MRPL1: variants seen among roughly 807,000 people sequenced by gnomAD.
MRPL1 encodes mitochondrial ribosomal protein L1.
In MRPL1, 28 loss-of-function variants were observed where a neutral mutation model predicts 38.0. That is an observed-to-expected ratio of 0.74 (90% CI 0.55 to 1.01). The LOEUF is 1.01. MRPL1 is among the 50% of genes least tolerant of loss of function. MRPL1 has a pLI of 0.00. For missense variants in MRPL1, 358 were observed against 389.8 expected (o/e 0.92, Z 0.69); for synonymous variants, 123 against 126.7 (o/e 0.97, Z 0.20).
chr4:77,943,941 TA>T (rs1373382445), intron 7 of MRPL1, among the ~76,000 whole-genome samples: 1 of 152,224 alleles, frequency 6.6e-6, no homozygotes, highest in Admixed American at 6.5e-5. Flanking sequence ...TGTGATCTTT[TA>T]GGGGGATGTT....
chr4:77,879,874 T>C (rs1407625581), intron 2 of MRPL1, among the ~76,000 whole-genome samples: 5 of 152,166 alleles, frequency 3.3e-5, no homozygotes, highest in Non-Finnish European at 7.4e-5. Context: ...AAAATGAGCA[T>C]TGTCATTATC....
chr4:77,930,991 C>A (rs562379000), intron 7 of MRPL1, among the ~76,000 whole-genome samples: 52 of 152,272 alleles, frequency 3.4e-4, no homozygotes, highest in African/African-American at 1.3e-3. Flanking sequence ...CAAAAGAAAG[C>A]TGCATTTAAA....
intron 7 of MRPL1, among the ~76,000 whole-genome samples, chr4:77,909,791 A>G (rs988329777): frequency 1.3e-5 from 2 of 152,174 alleles, no homozygotes; most frequent in Non-Finnish European, 2.9e-5. Flanking sequence ...TTAATGAATT[A>G]TGTCCAATTT....
chr4:77,886,071 A>G (rs946317507), intron 4 of MRPL1, among the ~76,000 whole-genome samples: 8 of 152,202 alleles, frequency 5.3e-5, no homozygotes, highest in Admixed American at 5.2e-4. Flanking sequence ...GTCCTAAATA[A>G]ATGTTTGTTT....
chr4:77,883,598 A>G, intron 3 of MRPL1, 98 bp downstream of exon 3: 1 of 1,260,102 alleles, frequency 7.9e-7, no homozygotes, highest in Non-Finnish European at 1.1e-6. Flanking sequence ...TTTTTGAGAC[A>G]GGGTCTTCTT....
intron 7 of MRPL1, among the ~76,000 whole-genome samples, chr4:77,942,076 T>A (rs1300341245): frequency 2.0e-5 from 3 of 152,158 alleles, no homozygotes; most frequent in Non-Finnish European, 2.9e-5. Flanking sequence ...GTTGTGTCAC[T>A]ATTATCATTC....
chr4:77,879,188 A>G (rs1735472486), intron 2 of MRPL1, among the ~76,000 whole-genome samples: 1 of 152,204 alleles, frequency 6.6e-6, no homozygotes, highest in South Asian at 2.1e-4. Context: ...GTTCTTCTGA[A>G]TGTGATTCTT....
In MRPL1 at chr4:77,952,513, T is replaced by C; in HGVS notation, c.884T>C (p.Leu295Pro). The change falls in exon 9 of 9, where the codon CTT (leucine) becomes CCT (proline). Residue 295 changes from leucine (L) to proline (P), a missense_variant. Leu to Pro is a moderately conservative substitution (Grantham distance 98). Transcript: ENST00000315567. The part of the protein sequence containing the change: ...NLGPFVVRAF[L>P]RSSTSEGLLL... ...GGTCCCTTTGTGGTACGTGCTTTCCTTCGTAGTTCAACAAGTGAAGGTTTA... is the reference window on the plus strand; with the variant it reads ...GGTCCCTTTGTGGTACGTGCTTTCCCTCGTAGTTCAACAAGTGAAGGTTTA... 1 of 1,613,126 alleles carries C rather than the reference T, an allele frequency of 6.2e-7. No individual in the cohort carries two copies. Among genetic ancestry groups the C allele is most frequent in the African/African-American group, 1.3e-5 (1 of 75,014 alleles).
chr4:77,872,238 G>A lies in MRPL1; in HGVS notation c.143+383G>A, dbSNP rs1198789883. On this transcript the variant is annotated intron_variant, in intron 2 of 8. Coordinates refer to ENST00000315567, the MANE Select transcript of MRPL1 (RefSeq NM_020236.4). The stretch of plus-strand genomic sequence containing the variant: ...CCAAAGCTTTTTCCAGTATGCTTTC[G>A]CTGCCTTTTTAGAACAGAACCCACT... Among the ~76,000 whole-genome samples, 4 of 152,120 alleles carry A rather than the reference G, an allele frequency of 2.6e-5. No homozygotes were observed. In the East Asian group the frequency reaches 5.8e-4, roughly 22 times the overall value.
intron 7 of MRPL1, among the ~76,000 whole-genome samples, chr4:77,945,873 A>G (rs569146206): frequency 6.6e-6 from 1 of 152,286 alleles, no homozygotes; most frequent in Non-Finnish European, 1.5e-5. Flanking sequence ...TCACAAGGCA[A>G]AGGGCAAAGC....
At chr4:77,905,265 G>A (rs1217111377) in intron 6 of MRPL1, among the ~76,000 whole-genome samples, 1 of 152,078 alleles carries the variant, frequency 6.6e-6, no homozygotes, top group Non-Finnish European at 1.5e-5. Flanking sequence ...GGGAGGCCGA[G>A]GCAGGAGGAT....
intron 8 of MRPL1, among the ~76,000 whole-genome samples, chr4:77,951,498 CT>C (rs1737407760): frequency 6.6e-6 from 1 of 152,180 alleles, no homozygotes; most frequent in Admixed American, 6.5e-5. Context: ...CTATCTTCCC[CT>C]TCTTATAATT....
rs969402527 is a variant in MRPL1, at chr4:77,863,461, A to ATT, written c.31+602_31+603dup. ...GATGACAGCCCTTTCTTGTGCAACA[A>ATT]TTTTTTTTTTTTTTTTTTTTTGAGA... On this transcript the variant is annotated intron_variant, in intron 1 of 8. Coordinates refer to ENST00000315567, the MANE Select transcript of MRPL1 (RefSeq NM_020236.4). Among the ~76,000 whole-genome samples, 322 of 112,652 alleles carry ATT rather than the reference A, an allele frequency of 2.9e-3. 10 individuals are homozygous for ATT. The highest frequency in any genetic ancestry group is 3.6e-3 in the African/African-American group (93 of 26,128). The allele number at this position is 112,652 out of a possible 152,430, so 73.9% of individuals were successfully genotyped here.
At chr4:77,875,015 T>C (rs1237755266) in intron 2 of MRPL1, among the ~76,000 whole-genome samples, 3 of 151,980 alleles carry the variant, frequency 2.0e-5, no homozygotes, top group African/African-American at 7.2e-5. Flanking sequence ...CTTGAACTCC[T>C]GACCTCAGGT....
intron 2 of MRPL1, among the ~76,000 whole-genome samples, chr4:77,873,013 A>G (rs1446972236): frequency 6.6e-6 from 1 of 152,212 alleles, no homozygotes; most frequent in Non-Finnish European, 1.5e-5. Context: ...AGCCTGGGCA[A>G]CAGAGGAGAC....
At chr4:77,894,535 A>G in intron 6 of MRPL1, among the ~76,000 whole-genome samples, 1 of 152,142 alleles carries the variant, frequency 6.6e-6, no homozygotes, top group East Asian at 1.9e-4. Context: ...TCAGTATATT[A>G]TCATCATACT....
chr4:77,872,021 T>G (rs1010396837), intron 2 of MRPL1, among the ~76,000 whole-genome samples, 166 bp downstream of exon 2: 2 of 152,244 alleles, frequency 1.3e-5, no homozygotes, highest in African/African-American at 4.8e-5. Context: ...ATAATAATAC[T>G]TAACGTTTAT....
chr4:77,894,054 T>C (rs1201106333), intron 5 of MRPL1, 85 bp from the exon 6 acceptor site: 3 of 767,990 alleles, frequency 3.9e-6, no homozygotes, highest in East Asian at 2.7e-5. Context: ...TTCTGAATTA[T>C]AAAGGAAATG....
At chr4:77,924,787 AAATT>A (rs1317721571) in intron 7 of MRPL1, among the ~76,000 whole-genome samples, 1 of 152,228 alleles carries the variant, frequency 6.6e-6, no homozygotes, top group African/African-American at 2.4e-5. Flanking sequence ...TTTGTAGAAT[AAATT>A]AATAACCTTT....
Sources: gnomAD v4.1 joint callset for allele counts (sites outside exome capture counted in the v4.1 genomes callset) on GRCh38, gnomAD v4.1.1 for gene constraint, MANE v1.5 for transcripts, NCBI Gene and HGNC (gene_info 2026-07-23, HGNC 2026-07-21) for gene names.